PTPRD: variants seen among roughly 807,000 people sequenced by gnomAD.
The protein encoded by PTPRD is protein tyrosine phosphatase receptor type D.
PTPRD carries 34 observed loss-of-function variants against 214.5 expected under a neutral mutation model. That is an observed-to-expected ratio of 0.16 (90% CI 0.12 to 0.21). The LOEUF (loss-of-function observed/expected upper bound fraction) is 0.21. PTPRD is among the 10% of genes least tolerant of loss of function. The pLI is 1.00. For missense variants in PTPRD, 2,545 were observed against 2,398.7 expected (o/e 1.06, Z -1.27); for synonymous variants, 1,128 against 845.7 (o/e 1.33, Z -5.79).
chr9:8,535,027 T>C (rs746579710), intron 14 of PTPRD, among the ~76,000 whole-genome samples: 3 of 151,902 alleles, frequency 2.0e-5, no homozygotes, highest in Admixed American at 2.0e-4. Flanking sequence ...ATAATCTCTA[T>C]ATTGTTGTGA....
chr9:9,467,367 C>T (rs138379963), intron 8 of PTPRD, among the ~76,000 whole-genome samples: 52 of 150,682 alleles, frequency 3.5e-4, no homozygotes, highest in African/African-American at 1.0e-3. Context: ...GCTGATGGAT[C>T]GTCTGAGGTC....
intron 11 of PTPRD, among the ~76,000 whole-genome samples, chr9:8,824,092 T>G (rs550974898): frequency 2.3e-4 from 35 of 152,286 alleles, no homozygotes; most frequent in African/African-American, 7.9e-4. Flanking sequence ...GTTGGTGGGT[T>G]TTGGCTGGCT....
intron 3 of PTPRD, among the ~76,000 whole-genome samples, chr9:10,239,096 A>C (rs2099638387): frequency 3.3e-5 from 5 of 151,980 alleles, no homozygotes; most frequent in Admixed American, 3.3e-4. Context: ...ATAAAACACA[A>C]AGGATTCTGA....
At chr9:10,287,735 C>T (rs927736100) in intron 3 of PTPRD, among the ~76,000 whole-genome samples, 5 of 152,082 alleles carry the variant, frequency 3.3e-5, no homozygotes, top group Non-Finnish European at 7.4e-5. Context: ...CTCTCTCTCC[C>T]ACCTTTGATC....
intron 9 of PTPRD, among the ~76,000 whole-genome samples, chr9:9,382,932 A>G (rs1443902728): frequency 6.6e-6 from 1 of 152,088 alleles, no homozygotes; most frequent in Non-Finnish European, 1.5e-5. Flanking sequence ...AAATGGATAA[A>G]TGAAAATGTT....
At chr9:9,922,628 G>C (rs34081012) in intron 5 of PTPRD, among the ~76,000 whole-genome samples, 389 of 152,054 alleles carry the variant, frequency 2.6e-3, no homozygotes, top group Non-Finnish European at 4.7e-3. Context: ...TGAGAAAACA[G>C]TATGTGTTGT....
At chr9:8,562,158 T>C (rs930440187) in intron 14 of PTPRD, among the ~76,000 whole-genome samples, 1 of 152,156 alleles carries the variant, frequency 6.6e-6, no homozygotes, top group Non-Finnish European at 1.5e-5. Flanking sequence ...CCCATTTTGA[T>C]TAACAGAATT....
At chr9:9,756,520 G>A (rs557060153) in intron 6 of PTPRD, among the ~76,000 whole-genome samples, 4 of 152,234 alleles carry the variant, frequency 2.6e-5, no homozygotes, top group African/African-American at 9.6e-5. Context: ...GCCTCAAAGA[G>A]GGTAAGCAGA....
At chr9:10,253,870 G>A (rs942088918) in intron 3 of PTPRD, among the ~76,000 whole-genome samples, 1 of 152,202 alleles carries the variant, frequency 6.6e-6, no homozygotes, top group Admixed American at 6.5e-5. Context: ...AGAAGCCCAT[G>A]ATAACTCTGT....
chr9:9,964,054 A>G (rs1171869058), intron 4 of PTPRD, among the ~76,000 whole-genome samples: 2 of 152,198 alleles, frequency 1.3e-5, no homozygotes, highest in Non-Finnish European at 2.9e-5. Flanking sequence ...ACAGAGGCAG[A>G]GGCAGGCAGA....
At chr9:9,338,993 C>T (rs2045701684) in intron 9 of PTPRD, among the ~76,000 whole-genome samples, 1 of 152,124 alleles carries the variant, frequency 6.6e-6, no homozygotes, top group Non-Finnish European at 1.5e-5. Flanking sequence ...TTAAGGATGA[C>T]ATATTGTGCT....
At chr9:9,182,618 G>C (rs2099928854) in intron 10 of PTPRD, among the ~76,000 whole-genome samples, 1 of 151,894 alleles carries the variant, frequency 6.6e-6, no homozygotes, top group African/African-American at 2.4e-5. Context: ...ACTGCAATGG[G>C]TGAGGAAAAA....
chr9:10,139,091 G>T (rs1393042618), intron 3 of PTPRD, among the ~76,000 whole-genome samples: 3 of 151,964 alleles, frequency 2.0e-5, no homozygotes, highest in Admixed American at 2.0e-4. Context: ...AGAAAAAGAA[G>T]AAGTCAAACT....
At chr9:9,976,175 T>C (rs183174926) in intron 4 of PTPRD, among the ~76,000 whole-genome samples, 1 of 152,296 alleles carries the variant, frequency 6.6e-6, no homozygotes, top group Admixed American at 6.5e-5. Flanking sequence ...AAATTTGATA[T>C]GCCTGCAGTA....
intron 9 of PTPRD, among the ~76,000 whole-genome samples, chr9:9,229,409 G>A (rs141081331): frequency 1.3e-5 from 2 of 152,048 alleles, no homozygotes; most frequent in African/African-American, 4.8e-5. Flanking sequence ...ATGCCTCATA[G>A]AAGAAAGTCT....
intron 8 of PTPRD, among the ~76,000 whole-genome samples, chr9:9,518,419 G>T (rs776173813): frequency 7.9e-5 from 12 of 152,104 alleles, no homozygotes; most frequent in Non-Finnish European, 1.8e-4. Context: ...AGATGTAGAT[G>T]TGTAGGAGAT....
At chr9:10,171,770 GC>G (rs1310465656) in intron 3 of PTPRD, among the ~76,000 whole-genome samples, 21 of 152,170 alleles carry the variant, frequency 1.4e-4, no homozygotes, top group African/African-American at 5.1e-4. Flanking sequence ...TGATCCACCC[GC>G]CGTGGCCTCC....
In PTPRD at chr9:9,894,581, T is replaced by A. The variant is rs150634596; in HGVS notation, c.-368+43926A>T. On this transcript the variant is annotated intron_variant, in intron 5 of 45. Coordinates refer to ENST00000381196, the MANE Select transcript of PTPRD (RefSeq NM_002839.4). ...ATTGCAGTTCAGCACCATCATTTTTTCACAACTTTTTCACTGAGTTCCTTA... is the reference window on the plus strand; with the variant it reads ...ATTGCAGTTCAGCACCATCATTTTTACACAACTTTTTCACTGAGTTCCTTA... 4.3e-3 allele frequency among the ~76,000 whole-genome samples: 654 copies of A among 152,210 alleles called. 3 individuals carry two copies. The highest frequency in any genetic ancestry group is 0.015 in the African/African-American group (620 of 41,554).
chr9:9,840,252 C>T lies in PTPRD; in HGVS notation c.-367-73401G>A, dbSNP rs534050133. ...GGGGTTTTAAACTCCTGGCCTCAAG[C>T]GATCCTCCCACCTCCTAAAGTGCTG... On this transcript the variant is annotated intron_variant, in intron 5 of 45. Transcript: ENST00000381196. Among the ~76,000 whole-genome samples, 9 of 152,000 alleles carry T rather than the reference C, an allele frequency of 5.9e-5. No individual in the cohort carries two copies. The East Asian group carries it at 1.4e-3, about 23-fold the overall frequency.
Sources: gnomAD v4.1 joint callset for allele counts (sites outside exome capture counted in the v4.1 genomes callset) on GRCh38, gnomAD v4.1.1 for gene constraint, MANE v1.5 for transcripts, NCBI Gene and HGNC (gene_info 2026-07-23, HGNC 2026-07-21) for gene names.